The following ANGPT2 variants were observed in gnomAD, a reference collection of about 807,000 sequenced individuals.
ANGPT2 encodes the protein angiopoietin 2.
A neutral mutation model predicts 62.9 loss-of-function variants in ANGPT2; 28 were observed. The ratio of observed to expected loss-of-function variants is 0.44; its 90% CI spans 0.33 to 0.61. ANGPT2 has a LOEUF of 0.61. ANGPT2 is among the 20% of genes least tolerant of loss of function. The pLI is 0.03. For missense variants in ANGPT2, 727 were observed against 594.9 expected, an observed-to-expected ratio of 1.22 and a Z score of -2.31; for synonymous variants, 284 against 207.8, an observed-to-expected ratio of 1.37 and a Z score of -3.15.
chr8:6,502,989 G>T lies in ANGPT2; in HGVS notation c.*112C>A. On this transcript the variant is annotated 3_prime_UTR_variant, in exon 9 of 9. Coordinates refer to ENST00000629816, the MANE Select transcript of ANGPT2 (RefSeq NM_001118887.2). Reference sequence around the variant, plus strand: ...AGCATGTGGGTCCCGTCAGCACCGAGCACACGCCCTCTGTGGTGGAAGAGG... The same window carrying T: ...AGCATGTGGGTCCCGTCAGCACCGATCACACGCCCTCTGTGGTGGAAGAGG... The T allele has an allele frequency of 7.7e-7, 1 of 1,303,382 alleles. No homozygotes were observed. Among genetic ancestry groups the T allele is most frequent in the Non-Finnish European group, 1.1e-6 (1 of 930,456 alleles). The allele number at this position is 1,303,382 out of a possible 1,614,324, so 80.7% of individuals were successfully genotyped here. A position where few individuals can be genotyped will look rare whatever the true frequency, so the allele number is the denominator to read the frequency against.
At chr8:6,544,663 C>T (rs182634521) in intron 1 of ANGPT2, among the ~76,000 whole-genome samples, 21 of 152,076 alleles carry the variant, frequency 1.4e-4, no homozygotes, top group African/African-American at 4.1e-4. Flanking sequence ...TATTTTATTT[C>T]TATAGGATTC....
intron 1 of ANGPT2, among the ~76,000 whole-genome samples, chr8:6,555,651 C>T (rs955865699): frequency 1.2e-4 from 18 of 151,780 alleles, no homozygotes; most frequent in East Asian, 3.9e-4. Context: ...TTGGTAGAGA[C>T]GGGGTTTCAT....
At chr8:6,504,276 C>G (rs1812808366) in intron 8 of ANGPT2, among the ~76,000 whole-genome samples, 1 of 145,614 alleles carries the variant, frequency 6.9e-6, no homozygotes, top group Non-Finnish European at 1.5e-5. Flanking sequence ...CGAGATCGCG[C>G]CACTGCACTC....
chr8:6,513,737 C>G lies in ANGPT2; in HGVS notation c.1137G>C (p.Gly379=), dbSNP rs1454783294. 3.1e-6 allele frequency: 5 copies of G among 1,613,882 alleles called. No individual in the cohort carries two copies. Among genetic ancestry groups the G allele is most frequent in the Admixed American group, 3.3e-5 (2 of 59,988 alleles). The change falls in exon 7 of 9, where the codon GGG becomes GGC. Residue 379 remains glycine, a synonymous_variant. Transcript: ENST00000629816. The part of the protein sequence containing the change: ...VLKIHLKDWE[G]NEAYSLYEHF... ...GTTCATACAATGAGTAAGCCTCATT[C>G]CCTTCCCAGTCTTTAAGGTGTATTT...
chr8:6,532,518 T>A (rs1289236490), intron 1 of ANGPT2, 31 bp from the exon 2 acceptor site: 2 of 1,537,630 alleles, frequency 1.3e-6, no homozygotes, highest in Middle Eastern at 1.7e-4. Context: ...AAGGCAGTCA[T>A]TAGTCAAATG....
chr8:6,514,707 A>T lies in ANGPT2; in HGVS notation c.999T>A (p.Asp333Glu). The T allele has an allele frequency of 6.2e-7, 1 of 1,614,096 alleles. No individual in the cohort carries two copies. Among genetic ancestry groups the T allele is most frequent in the Non-Finnish European group, 8.5e-7 (1 of 1,180,018 alleles). The stretch of plus-strand genomic sequence containing the variant: ...TATATTCTTTCCAAGTCCTCTGAAA[A>T]TCAACGCTGCCATCCTCACGTCGCT... The part of the protein sequence containing the change: ...IIQRREDGSV[D>E]FQRTWKEYKV... Residue 333 changes from aspartate to glutamate, a missense_variant, in exon 6 of 9, where the codon GAT becomes GAA. Transcript: ENST00000629816.
chr8:6,528,229 G>T (rs924561619), intron 2 of ANGPT2, among the ~76,000 whole-genome samples: 2 of 152,272 alleles, frequency 1.3e-5, no homozygotes, highest in Admixed American at 1.3e-4. Flanking sequence ...GTGGTTAGTA[G>T]TTCTGGACAA....
rs771887022 is a variant in ANGPT2, at chr8:6,513,824, T to A, written c.1050A>T (p.Gly350=). 2 of 1,607,470 alleles carry A rather than the reference T, an allele frequency of 1.2e-6. No individual in the cohort carries two copies. Among genetic ancestry groups the A allele is most frequent in the Non-Finnish European group, 1.7e-6 (2 of 1,178,352 alleles). ...EYKVGFGNPS[G]EYWLGNEFVS... ...CAAACTCATTTCCCAGCCAATATTCTCCTGAAGGGTTACCAAATCCCTGTA... is the reference window on the plus strand; with the variant it reads ...CAAACTCATTTCCCAGCCAATATTCACCTGAAGGGTTACCAAATCCCTGTA... The change falls in exon 7 of 9, where the codon GGA becomes GGT. Residue 350 remains glycine, a synonymous_variant. Transcript: ENST00000629816.
intron 1 of ANGPT2, among the ~76,000 whole-genome samples, chr8:6,553,734 C>T (rs774909627): frequency 2.4e-4 from 36 of 151,676 alleles, no homozygotes; most frequent in Non-Finnish European, 1.5e-5. Flanking sequence ...CGAGGCCCCT[C>T]AGGCAGAGGG....
chr8:6,545,154 G>A (rs1182779973), intron 1 of ANGPT2, among the ~76,000 whole-genome samples: 1 of 152,106 alleles, frequency 6.6e-6, no homozygotes, highest in Admixed American at 6.6e-5. Context: ...GGTGATAGAA[G>A]TCAGAATAAT....
chr8:6,531,778 C>T (rs372292935), intron 2 of ANGPT2, among the ~76,000 whole-genome samples: 7 of 132,794 alleles, frequency 5.3e-5, no homozygotes, highest in East Asian at 4.2e-4. Context: ...GCCATGGCAG[C>T]GCTCAGGGCT....
chr8:6,529,214 C>G (rs1818974775), intron 2 of ANGPT2, among the ~76,000 whole-genome samples: 2 of 152,112 alleles, frequency 1.3e-5, no homozygotes, highest in Admixed American at 6.6e-5. Flanking sequence ...TGTAAATTAC[C>G]CAGGCCAGGT....
intron 1 of ANGPT2, among the ~76,000 whole-genome samples, chr8:6,554,728 G>C (rs1824286314): frequency 1.3e-5 from 2 of 152,172 alleles, no homozygotes. Flanking sequence ...TTTGGAGAAA[G>C]TAATTACCAT....
intron 1 of ANGPT2, among the ~76,000 whole-genome samples, chr8:6,554,532 A>G (rs1824248162): frequency 6.6e-6 from 1 of 152,240 alleles, no homozygotes; most frequent in African/African-American, 2.4e-5. Flanking sequence ...TTATAAAATT[A>G]CATATTTTTA....
chr8:6,510,108 A>G lies in ANGPT2; in HGVS notation c.1197-1046T>C, dbSNP rs544773474. Among the ~76,000 whole-genome samples, 248 of 152,306 alleles carry G rather than the reference A, an allele frequency of 1.6e-3. 2 individuals are homozygous for G. The highest frequency in any genetic ancestry group is 3.4e-3 in the Admixed American group (52 of 15,308). On this transcript the variant is annotated intron_variant, in intron 7 of 8. Coordinates refer to ENST00000629816, the MANE Select transcript of ANGPT2 (RefSeq NM_001118887.2). ...TTACATCGGTCATCTGTGTACCAGCAAGGAGCATATAAGGGAAGGGAGAAG... is the reference window on the plus strand; with the variant it reads ...TTACATCGGTCATCTGTGTACCAGCGAGGAGCATATAAGGGAAGGGAGAAG...
In ANGPT2 at chr8:6,502,893, T is replaced by G; in HGVS notation, c.*208A>C. 1 of 555,272 alleles carries G rather than the reference T, an allele frequency of 1.8e-6. No individual in the cohort carries two copies. The highest frequency in any genetic ancestry group is 3.2e-6 in the Non-Finnish European group (1 of 317,076). 34.4% of individuals were successfully genotyped at this position (555,272 alleles called of 1,614,324 possible). A position where few individuals can be genotyped will look rare whatever the true frequency, so the allele number is the denominator to read the frequency against. The stretch of plus-strand genomic sequence containing the variant: ...TGTTCTGTCTAATCACAATTATGGA[T>G]GTTTAGGGTCTTGCTTTGGTCCGTT... On this transcript the variant is annotated 3_prime_UTR_variant, in exon 9 of 9. Transcript: ENST00000629816.
At chr8:6,555,700 C>T (rs1242775395) in intron 1 of ANGPT2, among the ~76,000 whole-genome samples, 3 of 151,950 alleles carry the variant, frequency 2.0e-5, no homozygotes, top group East Asian at 3.9e-4. Flanking sequence ...TGAGCTCAAG[C>T]GACCCACCCG....
intron 6 of ANGPT2, 142 bp from the exon 7 acceptor site, chr8:6,513,986 C>A: frequency 1.3e-6 from 1 of 793,528 alleles, no homozygotes; most frequent in Non-Finnish European, 1.9e-6. Context: ...AGGGTCCTTC[C>A]CAAAGGAAAA....
At chr8:6,526,617 A>T (rs2515463) in intron 3 of ANGPT2, among the ~76,000 whole-genome samples, 12,477 of 152,272 alleles carry the variant, frequency 0.082, 678 homozygotes, top group African/African-American at 0.14. Flanking sequence ...CTTGGTATCC[A>T]AAGGACAGAA....
Sources: gnomAD v4.1 joint callset for allele counts (sites outside exome capture counted in the v4.1 genomes callset) on GRCh38, gnomAD v4.1.1 for gene constraint, MANE v1.5 for transcripts, NCBI Gene and HGNC (gene_info 2026-07-23, HGNC 2026-07-21) for gene names.